Variants in MID1 observed in about 807,000 individuals in gnomAD.
MID1 encodes the protein midline 1, also known as E3 ubiquitin-protein ligase Midline-1.
Under a neutral mutation model 40.4 loss-of-function variants are expected in MID1, and 7 were observed. The ratio of observed to expected loss-of-function variants is 0.17; its 90% CI spans 0.10 to 0.33. The LOEUF is 0.33. Among genes scored for constraint, MID1 ranks in the 10% least tolerant of loss-of-function variants. The pLI, the probability that MID1 is intolerant of heterozygous loss-of-function variation, is 1.00. For missense variants in MID1, 367 were observed against 558.5 expected, an observed-to-expected ratio of 0.66 and a Z score of 3.46; for synonymous variants, 229 against 221.2, an observed-to-expected ratio of 1.04 and a Z score of -0.31.
chrX:10,554,471 C>T (rs1463750467), intron 2 of MID1, among the ~76,000 whole-genome samples: 1 of 111,994 alleles, frequency 8.9e-6, no homozygotes, highest in African/African-American at 3.2e-5. Flanking sequence ...GCCCTATGGC[C>T]TTGCCTAATA....
intron 1 of MID1, among the ~76,000 whole-genome samples, chrX:10,577,580 T>C (rs1367367982): frequency 9.1e-6 from 1 of 109,851 alleles, no homozygotes; most frequent in Non-Finnish European, 1.9e-5. Context: ...TATATGTATA[T>C]ACACACAGGT....
At chrX:10,547,982 A>C (rs1406527446) in intron 2 of MID1, among the ~76,000 whole-genome samples, 1 of 112,042 alleles carries the variant, frequency 8.9e-6, no homozygotes, top group African/African-American at 3.2e-5. Context: ...AAAACAGTTC[A>C]CTGCAACCAC....
At chrX:10,585,664 C>T (rs947404342) in intron 1 of MID1, among the ~76,000 whole-genome samples, 1 of 110,782 alleles carries the variant, frequency 9.0e-6, no homozygotes, top group African/African-American at 3.3e-5. Flanking sequence ...ATTACTAGTT[C>T]TAAGGGGTTA....
chrX:10,491,434 G>A (rs968724413), intron 4 of MID1, among the ~76,000 whole-genome samples: 16 of 109,565 alleles, frequency 1.5e-4, no homozygotes, highest in South Asian at 8.1e-4. Context: ...GGGGGTGGGG[G>A]GACAGGGTCT....
chrX:10,804,724 C>T (rs1320094894), intron 1 of MID1, among the ~76,000 whole-genome samples: 1 of 111,149 alleles, frequency 9.0e-6, no homozygotes, highest in African/African-American at 3.3e-5. Context: ...TCACAAGTGA[C>T]TCTCAGCTTT....
chrX:10,786,971 TAA>T (rs745501413), intron 1 of MID1, among the ~76,000 whole-genome samples: 3 of 98,628 alleles, frequency 3.0e-5, no homozygotes, highest in Admixed American at 1.1e-4. Context: ...AAACTTAAAG[TAA>T]AAAAAAAAAA....
intron 1 of MID1, among the ~76,000 whole-genome samples, chrX:10,812,586 ATGAGGG>A (rs1219586579): frequency 9.0e-6 from 1 of 111,244 alleles, no homozygotes; most frequent in Non-Finnish European, 1.9e-5. Context: ...AAGCATCTCT[ATGAGGG>A]ATCAAAGTCA....
Position 10,474,648 on chromosome X carries a change from C to T in MID1, c.1116G>A (p.Leu372=), listed in dbSNP as rs368518825. 1.7e-6 allele frequency: 2 copies of T among 1,207,862 alleles called. No individual in the cohort carries two copies. The highest frequency in any genetic ancestry group is 3.5e-5 in the African/African-American group (2 of 57,017). The change falls in exon 6 of 10, where the codon CTG becomes CTA. Residue 372 remains leucine (L), a synonymous_variant. Transcript: ENST00000317552. Reference sequence around the variant, plus strand: ...CTGTAAGGTAATCCAGACATTCTAGCAGTTTCTTCTCTCGGGAAAAATCTA... The same window carrying T: ...CTGTAAGGTAATCCAGACATTCTAGTAGTTTCTTCTCTCGGGAAAAATCTA... ...FALDFSREKK[L]LECLDYLTAP...
chrX:10,745,178 G>A (rs994918550), intron 1 of MID1, among the ~76,000 whole-genome samples: 4 of 112,738 alleles, frequency 3.5e-5, no homozygotes, highest in Non-Finnish European at 5.6e-5. Context: ...AAGATCTAGA[G>A]GATGTTTAGA....
chrX:10,598,928 C>T (rs1602456159), intron 1 of MID1, among the ~76,000 whole-genome samples: 1 of 111,934 alleles, frequency 8.9e-6, no homozygotes, highest in African/African-American at 3.3e-5. Context: ...TACATTTGTG[C>T]TAATTTGCTA....
At position 10,710,910 on chromosome X, in the gene MID1, C is replaced by T. The variant is rs762708384; in HGVS notation, c.-186-90491G>A. Among the ~76,000 whole-genome samples, 6 of 112,001 alleles carry T rather than the reference C, an allele frequency of 5.4e-5. No homozygotes were observed. In the East Asian group the frequency reaches 1.7e-3, roughly 31 times the overall value. ...CAAATTCTTGTGTCAGACCATGCTC[C>T]TCAATTTTGCTCTGGAAATATTGTC... is the stretch of plus-strand genomic sequence containing the variant. On this transcript the variant is annotated intron_variant, in intron 1 of 10. Coordinates refer to the MID1 transcript ENST00000380785.
At position 10,447,607 on chromosome X, in the gene MID1, A is replaced by C. The variant is rs1463474697; in HGVS notation, c.*1761T>G. 7 of 111,957 alleles carry C rather than the reference A, an allele frequency of 6.3e-5. No homozygotes were observed. The allele number at this position is 111,957 out of a possible 1,213,427, so 9.2% of individuals were successfully genotyped here. On this transcript the variant is annotated 3_prime_UTR_variant, in exon 10 of 10. Transcript: ENST00000317552. ...TTGAGGCGTCCATCTTTTAGATGTGAAATTGTCTTAGGTATCTATCAAAAT... is the reference window on the plus strand; with the variant it reads ...TTGAGGCGTCCATCTTTTAGATGTGCAATTGTCTTAGGTATCTATCAAAAT...
chrX:10,571,441 T>C (rs1934719573), intron 1 of MID1, among the ~76,000 whole-genome samples: 1 of 111,569 alleles, frequency 9.0e-6, no homozygotes, highest in Non-Finnish European at 1.9e-5. Flanking sequence ...GTTTATTTTC[T>C]AGCTTTCTTT....
chrX:10,562,644 C>A (rs1009728029), intron 2 of MID1, among the ~76,000 whole-genome samples: 1 of 102,794 alleles, frequency 9.7e-6, no homozygotes, highest in Non-Finnish European at 1.9e-5. Context: ...TTTGTAACTT[C>A]AAAAAAAAAC....
chrX:10,686,145 A>G (rs1377196566), intron 1 of MID1, among the ~76,000 whole-genome samples: 1 of 111,405 alleles, frequency 9.0e-6, no homozygotes, highest in Non-Finnish European at 1.9e-5. Flanking sequence ...GTGAGTCACT[A>G]TCATCACCAT....
chrX:10,808,707 G>T (rs1042812184), intron 1 of MID1, among the ~76,000 whole-genome samples: 4 of 111,563 alleles, frequency 3.6e-5, no homozygotes, highest in African/African-American at 9.8e-5. Flanking sequence ...ACGGTGCTGG[G>T]AAAACTGGCT....
intron 2 of MID1, among the ~76,000 whole-genome samples, chrX:10,563,968 T>C: frequency 8.9e-6 from 1 of 112,717 alleles, no homozygotes; most frequent in East Asian, 2.7e-4. Flanking sequence ...TTATTCTTCA[T>C]AATAATTGCA....
chrX:10,517,809 G>A, intron 3 of MID1, among the ~76,000 whole-genome samples: 1 of 112,515 alleles, frequency 8.9e-6, no homozygotes, highest in South Asian at 3.7e-4. Flanking sequence ...CAGATCTTGC[G>A]CTGCTTCCCC....
chrX:10,460,856 TG>T (rs748505341), intron 7 of MID1, among the ~76,000 whole-genome samples: 9 of 111,297 alleles, frequency 8.1e-5, no homozygotes, highest in Non-Finnish European at 1.3e-4. Context: ...AAAACCTTTC[TG>T]TAGTAAGAAA....
Sources: allele counts gnomAD v4.1 joint callset (sites outside exome capture counted in the v4.1 genomes callset), GRCh38; gene constraint gnomAD v4.1.1; transcripts MANE v1.5; gene names NCBI Gene and HGNC (gene_info 2026-07-23, HGNC 2026-07-21).